Variants in TRAPPC10 observed in about 807,000 individuals in gnomAD.
The protein encoded by TRAPPC10 is trafficking protein particle complex subunit 10.
Under a neutral mutation model 125.5 loss-of-function variants are expected in TRAPPC10, and 23 were observed. The ratio of observed to expected loss-of-function variants is 0.18; its 90% CI spans 0.13 to 0.26. The LOEUF is 0.26. TRAPPC10 is among the 10% of genes least tolerant of loss of function. The pLI, the probability that TRAPPC10 is intolerant of heterozygous loss-of-function variation, is 1.00. For missense variants in TRAPPC10, 1,123 were observed against 1,308.4 expected (o/e 0.86, Z 2.19); for synonymous variants, 509 against 518.0 (o/e 0.98, Z 0.24).
At chr21:44,023,877 C>CAAG (rs934532141) in intron 1 of TRAPPC10, among the ~76,000 whole-genome samples, 2 of 152,200 alleles carry the variant, frequency 1.3e-5, no homozygotes, top group African/African-American at 4.8e-5. Flanking sequence ...CTCTCAGGTT[C>CAAG]AAGAGATTCT....
In TRAPPC10 at chr21:44,052,541, C is replaced by T. The variant is rs2035295635; in HGVS notation, c.482+65C>T. ...TGACATGATACAGATTGCTGGCTTC[C>T]TGGGTAGTAATAAATATTTACTCAG... On this transcript the variant is annotated intron_variant, in intron 4 of 22. Coordinates refer to ENST00000291574, the MANE Select transcript of TRAPPC10 (RefSeq NM_003274.5). The T allele has an allele frequency of 2.1e-6, 3 of 1,440,780 alleles. No individual in the cohort carries two copies. The East Asian group carries it at 6.8e-5, about 33-fold the overall frequency. 89.2% of individuals were successfully genotyped at this position (1,440,780 alleles called of 1,614,324 possible). A position where few individuals can be genotyped will look rare whatever the true frequency, so the allele number is the denominator to read the frequency against.
chr21:44,013,110 TTTA>T (rs1224009058), intron 1 of TRAPPC10, among the ~76,000 whole-genome samples: 8 of 151,480 alleles, frequency 5.3e-5, no homozygotes, highest in Non-Finnish European at 5.9e-5. Context: ...CTCAAACCAT[TTTA>T]CGGATGAGAA....
At chr21:44,067,201 C>A (rs1911221692) in intron 7 of TRAPPC10, among the ~76,000 whole-genome samples, 2 of 152,160 alleles carry the variant, frequency 1.3e-5, no homozygotes, top group South Asian at 2.1e-4. Flanking sequence ...AGTTAGCTGG[C>A]CGGTTTGTGA....
At position 44,037,590 on chromosome 21, in the gene TRAPPC10, A is replaced by G. The variant is rs192616289; in HGVS notation, c.150-202A>G. On this transcript the variant is annotated intron_variant, in intron 2 of 22. Transcript: ENST00000291574. ...GAGGAAAATGAAAGATTTTGTGGAA[A>G]TGGAGCTTTGACCTGTACACGTGAA... is the stretch of plus-strand genomic sequence containing the variant. Among the ~76,000 whole-genome samples, 369 of 152,330 alleles carry G rather than the reference A, an allele frequency of 2.4e-3. 2 individuals carry two copies. The highest frequency in any genetic ancestry group is 4.3e-3 in the South Asian group (21 of 4,830).
At chr21:44,092,630 G>A (rs2038664096) in intron 19 of TRAPPC10, among the ~76,000 whole-genome samples, 1 of 85,066 alleles carries the variant, frequency 1.2e-5, no homozygotes, top group African/African-American at 5.0e-5. Context: ...TAATCCTTTA[G>A]CTCTTTCAGA....
chr21:44,084,325 T>A, intron 15 of TRAPPC10, 62 bp downstream of exon 15: 4 of 1,505,220 alleles, frequency 2.7e-6, no homozygotes, highest in Non-Finnish European at 3.6e-6. Flanking sequence ...GGAGACCTGC[T>A]GAGATGCCAG....
In TRAPPC10 at chr21:44,075,142, G is replaced by T. The variant is rs1265911557; in HGVS notation, c.1289G>T (p.Arg430Leu). The T allele has an allele frequency of 6.8e-6, 11 of 1,613,510 alleles. No homozygotes were observed. The highest frequency in any genetic ancestry group is 8.5e-6 in the Non-Finnish European group (10 of 1,179,584). The part of the protein sequence containing the change: ...VDLLAGLGAE[R>L]PETANTAQSP... The stretch of plus-strand genomic sequence containing the variant: ...CTTTTGGCAGGTTTGGGAGCTGAGC[G>T]ACCAGAAACAGGTACTTTTTTGTAT... The change falls in exon 9 of 23, where the codon CGA (arginine) becomes CTA (leucine). Residue 430 changes from arginine to leucine, a missense_variant. Arg to Leu is a moderately radical substitution (Grantham distance 102, BLOSUM62 -2). This residue lies in a region of TRAPPC10 where 840 missense variants were observed against 902.0 expected (regional missense o/e 0.93). Coordinates refer to ENST00000291574, the MANE Select transcript of TRAPPC10 (RefSeq NM_003274.5).
In TRAPPC10 at chr21:44,040,254, A is replaced by C. The variant is rs141788077; in HGVS notation, c.285+2327A>C. 5.4e-3 allele frequency among the ~76,000 whole-genome samples: 823 copies of C among 152,356 alleles called. 10 individuals carry two copies. Among genetic ancestry groups the C allele is most frequent in the African/African-American group, 0.019 (776 of 41,592 alleles). On this transcript the variant is annotated intron_variant, in intron 3 of 22. Coordinates refer to ENST00000291574, the MANE Select transcript of TRAPPC10 (RefSeq NM_003274.5). Reference sequence around the variant, plus strand: ...ACTAACATCTTGATCACGTTGAGACATACTCAAGAGCAAGGGCTGCCTTTC... The same window carrying C: ...ACTAACATCTTGATCACGTTGAGACCTACTCAAGAGCAAGGGCTGCCTTTC...
chr21:44,079,884 C>T (rs1274715010), intron 12 of TRAPPC10, 131 bp from the exon 13 acceptor site: 1 of 1,066,108 alleles, frequency 9.4e-7, no homozygotes, highest in South Asian at 1.6e-5. Flanking sequence ...TAATTTTGAG[C>T]CCTAGTAACT....
intron 3 of TRAPPC10, among the ~76,000 whole-genome samples, chr21:44,038,790 G>C (rs1601616760): frequency 1.3e-5 from 2 of 152,078 alleles, no homozygotes; most frequent in Admixed American, 1.3e-4. Context: ...GACAGGAACT[G>C]TAAGTCTGCA....
rs113452338 is a variant in TRAPPC10, at chr21:44,064,856, T to A, written c.1038+1071T>A. Among the ~76,000 whole-genome samples, 753 of 152,318 alleles carry A rather than the reference T, an allele frequency of 4.9e-3. 7 individuals carry two copies. The highest frequency in any genetic ancestry group is 9.1e-3 in the Non-Finnish European group (621 of 68,028). ...CACAAACTCAGAAACTTAAGAATTT[T>A]TATCAAATGATTTTTCTTCACCTAA... On this transcript the variant is annotated intron_variant, in intron 7 of 22. Transcript: ENST00000291574.
At position 44,055,648 on chromosome 21, in the gene TRAPPC10, G is replaced by A. The variant is rs201031456; in HGVS notation, c.483-50G>A. ...GGACAATGGCAGCTGCTGAGTCGTG[G>A]TGCTGTGCATGGAGGGTCTTTCCCA... On this transcript the variant is annotated intron_variant, in intron 4 of 22. Transcript: ENST00000291574. 9 of 1,434,364 alleles carry A rather than the reference G, an allele frequency of 6.3e-6. No individual in the cohort carries two copies. The African/African-American group carries it at 1.1e-4, about 18-fold the overall frequency. 88.9% of individuals were successfully genotyped at this position (1,434,364 alleles called of 1,614,324 possible).
intron 3 of TRAPPC10, among the ~76,000 whole-genome samples, chr21:44,046,161 A>G (rs2034791601): frequency 1.3e-5 from 2 of 152,210 alleles, no homozygotes. Flanking sequence ...TGACCCTTAA[A>G]TATGGTTAAG....
At chr21:44,032,643 A>G (rs1166823537) in intron 2 of TRAPPC10, among the ~76,000 whole-genome samples, 2 of 152,194 alleles carry the variant, frequency 1.3e-5, no homozygotes, top group Non-Finnish European at 2.9e-5. Context: ...CGGCCTCTCA[A>G]GGTGCTGGGA....
chr21:44,072,453 T>G, intron 7 of TRAPPC10, among the ~76,000 whole-genome samples: 1 of 152,090 alleles, frequency 6.6e-6, no homozygotes. Context: ...TCTCTCGTGG[T>G]CTCCTAGGAG....
At chr21:44,046,241 A>C (rs2034797141) in intron 3 of TRAPPC10, 1 of 198,056 alleles carries the variant, frequency 5.0e-6, no homozygotes. Flanking sequence ...AGAATTACAG[A>C]AAGGTAAATT....
intron 3 of TRAPPC10, among the ~76,000 whole-genome samples, chr21:44,047,707 C>T (rs1301984878): frequency 1.3e-5 from 2 of 152,136 alleles, no homozygotes; most frequent in Non-Finnish European, 2.9e-5. Context: ...TCTGCAGTGT[C>T]TAATCGGCTC....
At chr21:44,016,814 A>G (rs1207302602) in intron 1 of TRAPPC10, among the ~76,000 whole-genome samples, 4 of 152,036 alleles carry the variant, frequency 2.6e-5, no homozygotes, top group Non-Finnish European at 2.9e-5. Context: ...GCCCGCCACC[A>G]CGCCTGGCTA....
At chr21:44,017,164 T>G (rs2031961448) in intron 1 of TRAPPC10, among the ~76,000 whole-genome samples, 1 of 152,236 alleles carries the variant, frequency 6.6e-6, no homozygotes, top group Admixed American at 6.5e-5. Flanking sequence ...AGAAACATTC[T>G]TCTTAGGAAA....
Sources: gnomAD v4.1 joint callset for allele counts (sites outside exome capture counted in the v4.1 genomes callset) on GRCh38, gnomAD v4.1.1 for gene constraint, gnomAD v4.1.1 regional missense constraint, MANE v1.5 for transcripts, NCBI Gene and HGNC (gene_info 2026-07-23, HGNC 2026-07-21) for gene names.